TTC23L: variants seen among roughly 807,000 people sequenced by gnomAD.
TTC23L encodes the protein tetratricopeptide repeat protein 23-like.
Under a neutral mutation model 48.1 loss-of-function variants are expected in TTC23L, and 42 were observed. The ratio of observed to expected loss-of-function variants is 0.87; its 90% CI spans 0.68 to 1.13. The LOEUF (loss-of-function observed/expected upper bound fraction) is 1.13, where lower values mean the gene tolerates loss of function less well. Among genes scored for constraint, TTC23L ranks in the 50% most tolerant of loss-of-function variants. The pLI is 0.00. For missense variants in TTC23L, 391 were observed against 421.0 expected (o/e 0.93, Z 0.62); for synonymous variants, 159 against 157.2 (o/e 1.01, Z -0.09).
chr5:34,849,373 A>G (rs899393367), intron 3 of TTC23L, among the ~76,000 whole-genome samples: 8 of 152,264 alleles, frequency 5.3e-5, no homozygotes, highest in Non-Finnish European at 1.2e-4. Context: ...AACTACTAAT[A>G]TAAAGGCAGA....
the TTC23L span, chr5:34,908,430 T>C: frequency 1.1e-3 from 181 of 164,584 alleles, no homozygotes; most frequent in African/African-American, 4.2e-3. Context: ...CCACCTCGGC[T>C]TCCCAAAGTG....
chr5:34,895,744 GTGA>G (rs1473226855), intron 9 of TTC23L, among the ~76,000 whole-genome samples: 1 of 152,176 alleles, frequency 6.6e-6, no homozygotes, highest in Non-Finnish European at 1.5e-5. Context: ...GATTTGGGAG[GTGA>G]TTATTTCCAG....
the TTC23L span, chr5:34,922,748 C>G: frequency 4.3e-6 from 7 of 1,613,962 alleles, no homozygotes; most frequent in Non-Finnish European, 5.9e-6. Context: ...AGGTTCTCGG[C>G]CCCTTTTGTC....
intron 2 of TTC23L, among the ~76,000 whole-genome samples, chr5:34,844,502 T>G (rs1380489142): frequency 6.7e-6 from 1 of 148,580 alleles, no homozygotes; most frequent in Admixed American, 6.7e-5. Flanking sequence ...GCTTTTCTGA[T>G]TTTTTTTTTA....
At chr5:34,923,374 G>C in the TTC23L span, 1 of 647,508 alleles carries the variant, frequency 1.5e-6, no homozygotes, top group Non-Finnish European at 2.7e-6. Context: ...CCACCTCCCG[G>C]GTTCAAGCTT....
chr5:34,918,140 CAAAAAAAAAA>C, the TTC23L span: 1 of 100,634 alleles, frequency 9.9e-6, no homozygotes, highest in Non-Finnish European at 1.8e-5. Flanking sequence ...CCCATCTCTA[CAAAAAAAAAA>C]AAAAAAAAAA....
intron 4 of TTC23L, among the ~76,000 whole-genome samples, chr5:34,852,911 A>C (rs1759795836): frequency 6.6e-6 from 1 of 152,134 alleles, no homozygotes; most frequent in African/African-American, 2.4e-5. Context: ...CTGGCAAGAG[A>C]TCATGCAGAG....
intron 8 of TTC23L, among the ~76,000 whole-genome samples, chr5:34,876,083 A>G (rs1446851778): frequency 1.3e-5 from 2 of 152,212 alleles, no homozygotes; most frequent in East Asian, 3.8e-4. Flanking sequence ...TTTTGAATTA[A>G]GATTTTTTTG....
the TTC23L span, chr5:34,905,275 T>C: frequency 4.6e-5 from 7 of 152,240 alleles, no homozygotes; most frequent in South Asian, 1.5e-3. Flanking sequence ...CAGGACCCAA[T>C]AGATTTTATT....
intron 4 of TTC23L, among the ~76,000 whole-genome samples, chr5:34,861,664 T>C (rs965046007): frequency 1.3e-5 from 2 of 152,118 alleles, no homozygotes; most frequent in African/African-American, 2.4e-5. Flanking sequence ...AGACAAACTT[T>C]TAAATTTATC....
intron 2 of TTC23L, among the ~76,000 whole-genome samples, chr5:34,841,552 C>G (rs1488855338): frequency 6.6e-6 from 1 of 152,232 alleles, no homozygotes; most frequent in Non-Finnish European, 1.5e-5. Flanking sequence ...CAGCCTTGCT[C>G]TGTCACCCAG....
chr5:34,920,155 G>T, the TTC23L span: 13 of 215,558 alleles, frequency 6.0e-5, no homozygotes, highest in East Asian at 1.2e-3. Flanking sequence ...CTAGTATTAT[G>T]CTAAATCCAT....
rs1434438165 is a variant in TTC23L at position 34,850,431 on chromosome 5, CAGGA to C, written c.379+129_379+132del. 5.0e-6 allele frequency: 6 copies of C among 1,209,394 alleles called. No homozygotes were observed. In the African/African-American group the frequency reaches 7.8e-5, roughly 16 times the overall value. The allele number at this position is 1,209,394 out of a possible 1,614,324, so 74.9% of individuals were successfully genotyped here. A position where few individuals can be genotyped will look rare whatever the true frequency, so the allele number is the denominator to read the frequency against. On this transcript the variant is annotated intron_variant, in intron 4 of 10. Coordinates refer to ENST00000505624, the Ensembl canonical transcript of TTC23L. ...TTCTTGCCCCTAGCTCACACATTAT[CAGGA>C]AGGAAAGTCCATGGATGAGGGAGAC... is the stretch of plus-strand genomic sequence containing the variant.
At chr5:34,899,762 C>A (rs566185892), downstream of TTC23L, among the ~76,000 whole-genome samples, 1 of 152,166 alleles carries the variant, frequency 6.6e-6, no homozygotes, top group African/African-American at 2.4e-5. Flanking sequence ...CGTGGTGACA[C>A]ATGCCTGTAA....
At chr5:34,919,477 C>T in the TTC23L span, among the ~76,000 whole-genome samples, 6 of 151,974 alleles carry the variant, frequency 3.9e-5, no homozygotes, top group East Asian at 1.9e-4. Flanking sequence ...TCTTTGACAC[C>T]TAAGATTAAA....
intron 8 of TTC23L, among the ~76,000 whole-genome samples, chr5:34,878,556 G>A (rs1762012610): frequency 6.6e-6 from 1 of 152,114 alleles, no homozygotes; most frequent in Admixed American, 6.5e-5. Context: ...CCAACAACAT[G>A]GAAGAACAAA....
intron 1 of TTC23L, among the ~76,000 whole-genome samples, 152 bp from the exon 2 acceptor site, chr5:34,840,513 G>A (rs1343452904): frequency 3.3e-5 from 5 of 152,132 alleles, no homozygotes; most frequent in African/African-American, 4.8e-5. Flanking sequence ...TTTTCCAGCG[G>A]TCTCCATATC....
chr5:34,868,496 T>A (rs1454627002), intron 7 of TTC23L: 1 of 164,580 alleles, frequency 6.1e-6, no homozygotes, highest in African/African-American at 2.4e-5. Flanking sequence ...ACCATTAATT[T>A]ATTTAATATT....
chr5:34,873,250 A>G (rs1761598294), intron 8 of TTC23L, among the ~76,000 whole-genome samples: 2 of 152,228 alleles, frequency 1.3e-5, no homozygotes, highest in Admixed American at 1.3e-4. Flanking sequence ...ACAGAATATG[A>G]CTTTGTGAAG....
Sources: gnomAD v4.1 joint callset for allele counts (sites outside exome capture counted in the v4.1 genomes callset) on GRCh38, gnomAD v4.1.1 for gene constraint, MANE v1.5 for transcripts, NCBI Gene and HGNC (gene_info 2026-07-23, HGNC 2026-07-21) for gene names.